Variants in SGCZ observed in about 807,000 individuals in gnomAD.
SGCZ encodes zeta-sarcoglycan.
In SGCZ, 40 loss-of-function variants were observed where a neutral mutation model predicts 41.3. The ratio of observed to expected loss-of-function variants is 0.97; its 90% CI spans 0.75 to 1.26. The LOEUF (loss-of-function observed/expected upper bound fraction) is 1.26, where lower values mean the gene tolerates loss of function less well. SGCZ is among the 50% of genes most tolerant of loss of function. SGCZ has a pLI of 0.00. For synonymous variants in SGCZ, 206 were observed against 137.5 expected (o/e 1.50, Z -3.49); for missense variants, 552 against 369.8 (o/e 1.49, Z -4.04).
intron 2 of SGCZ, among the ~76,000 whole-genome samples, chr8:14,481,802 A>G (rs3985616): frequency 1 from 152,206 of 152,328 alleles, 76,042 homozygotes; most frequent in Non-Finnish European, 1. Context: ...TCTCTAATCA[A>G]GGGATAACCG....
At chr8:14,497,823 A>G (rs1346503732) in intron 2 of SGCZ, among the ~76,000 whole-genome samples, 1 of 152,136 alleles carries the variant, frequency 6.6e-6, no homozygotes, top group African/African-American at 2.4e-5. Flanking sequence ...CATTCAAACT[A>G]TATCAGGAAT....
intron 5 of SGCZ, among the ~76,000 whole-genome samples, chr8:14,116,833 T>A (rs1289063435): frequency 2.0e-5 from 3 of 152,092 alleles, no homozygotes; most frequent in Non-Finnish European, 2.9e-5. Context: ...CCAGAACCAA[T>A]GTCTGGTTTC....
At chr8:15,233,329 CAAA>C (rs967747755) in intron 1 of SGCZ, among the ~76,000 whole-genome samples, 5 of 65,704 alleles carry the variant, frequency 7.6e-5, no homozygotes, top group African/African-American at 1.1e-4. Context: ...TTAAACAAAC[CAAA>C]AAAAAAAAAA....
chr8:15,012,980 A>G (rs188402641), intron 1 of SGCZ, among the ~76,000 whole-genome samples: 10 of 151,982 alleles, frequency 6.6e-5, no homozygotes, highest in African/African-American at 2.4e-4. Flanking sequence ...TCTTAGGTTT[A>G]TATTTGGAAA....
At chr8:14,385,097 TG>T (rs1804523994) in intron 2 of SGCZ, among the ~76,000 whole-genome samples, 1 of 152,140 alleles carries the variant, frequency 6.6e-6, no homozygotes, top group Non-Finnish European at 1.5e-5. Context: ...AACAACTGTG[TG>T]TAGGAATTGG....
chr8:14,768,141 T>G (rs1038198954), intron 1 of SGCZ, among the ~76,000 whole-genome samples: 3 of 152,186 alleles, frequency 2.0e-5, no homozygotes, highest in African/African-American at 4.8e-5. Flanking sequence ...AGAGAAAATA[T>G]GTTTAACTCT....
At chr8:14,452,854 G>A (rs545985892) in intron 2 of SGCZ, among the ~76,000 whole-genome samples, 2 of 152,230 alleles carry the variant, frequency 1.3e-5, no homozygotes, top group Non-Finnish European at 2.9e-5. Flanking sequence ...ACAAATCCCA[G>A]CACCTTGGGA....
intron 4 of SGCZ, among the ~76,000 whole-genome samples, chr8:14,195,531 G>A (rs986214945): frequency 2.6e-5 from 4 of 152,124 alleles, no homozygotes; most frequent in Non-Finnish European, 5.9e-5. Flanking sequence ...TAAGTTTGAT[G>A]AAAATCACAA....
chr8:14,135,091 C>A (rs996606586), intron 5 of SGCZ, among the ~76,000 whole-genome samples: 1 of 152,176 alleles, frequency 6.6e-6, no homozygotes, highest in Non-Finnish European at 1.5e-5. Flanking sequence ...GAAAAAGCAA[C>A]CACCACCCAG....
At chr8:14,630,434 C>T (rs545325173) in intron 1 of SGCZ, among the ~76,000 whole-genome samples, 1 of 152,106 alleles carries the variant, frequency 6.6e-6, no homozygotes, top group African/African-American at 2.4e-5. Context: ...AGACTGTAAA[C>T]TAGTTCAACC....
chr8:14,277,296 T>C (rs1382199579), intron 3 of SGCZ, among the ~76,000 whole-genome samples: 3 of 152,166 alleles, frequency 2.0e-5, no homozygotes, highest in South Asian at 4.1e-4. Context: ...AATTGGGTCA[T>C]GTTCCTTCAT....
intron 1 of SGCZ, among the ~76,000 whole-genome samples, chr8:14,633,090 A>T (rs571078670): frequency 1.3e-5 from 2 of 152,166 alleles, no homozygotes; most frequent in Admixed American, 1.3e-4. Context: ...TGTCACAGCA[A>T]TGGTATTTGC....
chr8:15,122,729 T>TA (rs995535247), intron 1 of SGCZ, among the ~76,000 whole-genome samples: 1 of 152,136 alleles, frequency 6.6e-6, no homozygotes, highest in African/African-American at 2.4e-5. Context: ...TTTATACTAC[T>TA]AAAAAAATCA....
At chr8:14,779,839 T>A (rs1052577309) in intron 1 of SGCZ, among the ~76,000 whole-genome samples, 1 of 152,206 alleles carries the variant, frequency 6.6e-6, no homozygotes, top group Non-Finnish European at 1.5e-5. Flanking sequence ...TAGGTGATCA[T>A]TTGATTATTA....
chr8:14,333,053 A>C (rs1437594134), intron 2 of SGCZ, among the ~76,000 whole-genome samples: 1 of 151,992 alleles, frequency 6.6e-6, no homozygotes, highest in African/African-American at 2.4e-5. Context: ...TTTGAGAAAA[A>C]AATATATTTT....
intron 3 of SGCZ, among the ~76,000 whole-genome samples, chr8:14,267,319 A>G (rs1194937374): frequency 6.6e-6 from 1 of 151,946 alleles, no homozygotes; most frequent in East Asian, 1.9e-4. Flanking sequence ...GAGCAAAATA[A>G]CCCCACGGGA....
intron 1 of SGCZ, among the ~76,000 whole-genome samples, chr8:14,801,020 A>T (rs727386): frequency 0.44 from 67,148 of 152,058 alleles, 15,530 homozygotes; most frequent in East Asian, 0.73. Context: ...TAACTTTATA[A>T]CTATAATTTC....
chr8:15,172,220 G>A (rs1183805282), intron 1 of SGCZ, among the ~76,000 whole-genome samples: 1 of 126,804 alleles, frequency 7.9e-6, no homozygotes, highest in Admixed American at 9.7e-5. Context: ...GGAGCGCAGT[G>A]GCGCGATCTC....
chr8:14,288,487 C>T (rs1340959403), intron 3 of SGCZ, among the ~76,000 whole-genome samples: 2 of 152,192 alleles, frequency 1.3e-5, no homozygotes, highest in African/African-American at 2.4e-5. Context: ...TCCATCTCCA[C>T]GGCTTTGACT....
Sources: gnomAD v4.1 joint callset for allele counts (sites outside exome capture counted in the v4.1 genomes callset) on GRCh38, gnomAD v4.1.1 for gene constraint, MANE v1.5 for transcripts, NCBI Gene and HGNC (gene_info 2026-07-23, HGNC 2026-07-21) for gene names.